Variants in AIMP2 observed in about 807,000 individuals in gnomAD.
AIMP2 encodes aminoacyl tRNA synthase complex-interacting multifunctional protein 2.
Under a neutral mutation model 23.4 loss-of-function variants are expected in AIMP2, and 20 were observed. The observed-to-expected ratio is 0.85, with a 90% CI of 0.60 to 1.24. AIMP2 has a LOEUF of 1.24. AIMP2 is among the 50% of genes most tolerant of loss of function. AIMP2 has a pLI of 0.00. For missense variants in AIMP2, 515 were observed against 414.5 expected (o/e 1.24, Z -2.10); for synonymous variants, 210 against 170.4 (o/e 1.23, Z -1.81).
rs757057598 is a variant in AIMP2 at position 6,018,002 on chromosome 7, C to A, written c.531C>A (p.Pro177=). The A allele has an allele frequency of 8.1e-6, 13 of 1,614,000 alleles. No individual in the cohort carries two copies. The highest frequency in any genetic ancestry group is 5.9e-6 in the Non-Finnish European group (7 of 1,180,018). The change falls in exon 3 of 4, where the codon CCC becomes CCA. Residue 177 remains proline, a synonymous_variant. Transcript: ENST00000223029. ...TTGGAGAACAGAATAAAAAACAGCC[C>A]CGCCAAGACTATCAGCTGGGATTCA... ...KCFGEQNKKQ[P]RQDYQLGFTL... is the part of the protein sequence containing the mutation.
chr7:6,020,063 A>G (rs1017541372), intron 3 of AIMP2, among the ~76,000 whole-genome samples: 3 of 151,702 alleles, frequency 2.0e-5, no homozygotes, highest in Admixed American at 1.3e-4. Context: ...GCGTCACTAT[A>G]GCTGCACCAG....
chr7:6,021,778 C>G (rs1203290491), intron 3 of AIMP2, among the ~76,000 whole-genome samples: 1 of 152,164 alleles, frequency 6.6e-6, no homozygotes, highest in African/African-American at 2.4e-5. Flanking sequence ...CTTTTGACTT[C>G]TTTTACGACC....
At chr7:6,022,410 C>T (rs1249591949) in intron 3 of AIMP2, 1 of 152,152 alleles carries the variant, frequency 6.6e-6, no homozygotes. Context: ...GGATTTTCGA[C>T]TGCACAGCAG....
intron 2 of AIMP2, chr7:6,016,829 C>T (rs557061589): frequency 7.9e-5 from 12 of 152,664 alleles, no homozygotes; most frequent in Non-Finnish European, 1.2e-4. Context: ...TTCATTATTA[C>T]GAGTGAAAGC....
In AIMP2 at chr7:6,020,990, G is replaced by A. The variant is rs79082179; in HGVS notation, c.575-2313G>A. On this transcript the variant is annotated intron_variant, in intron 3 of 3. Coordinates refer to ENST00000223029, the MANE Select transcript of AIMP2 (RefSeq NM_006303.4). ...GGTTGTACAACGTCTGGACAAGAAC[G>A]CTTTTTCTGGATTAATTCCATTGAT... 4.6e-5 allele frequency among the ~76,000 whole-genome samples: 7 copies of A among 152,228 alleles called. No homozygotes were observed. The East Asian group carries it at 5.8e-4, about 13-fold the overall frequency.
rs373340036 is a variant in AIMP2 at position 6,014,012 on chromosome 7, G to A, written c.136-1134G>A. Among the ~76,000 whole-genome samples, 11 of 151,584 alleles carry A rather than the reference G, an allele frequency of 7.3e-5. 1 individual carries two copies. Among genetic ancestry groups the A allele is most frequent in the African/African-American group, 1.5e-4 (6 of 41,354 alleles). The stretch of plus-strand genomic sequence containing the variant: ...GAATTGATTACTTGGCCCCATGGAC[G>A]TGCTTCCAAGCTAAAATAAAGTGTT... On this transcript the variant is annotated intron_variant, in intron 1 of 3. Transcript: ENST00000223029.
intron 3 of AIMP2, among the ~76,000 whole-genome samples, chr7:6,020,039 G>A (rs1342698264): frequency 6.9e-6 from 1 of 144,146 alleles, no homozygotes; most frequent in Non-Finnish European, 1.5e-5. Flanking sequence ...AAAAAAAAAG[G>A]GAAATTCATG....
chr7:6,018,304 G>A (rs1787159828), intron 3 of AIMP2, among the ~76,000 whole-genome samples: 1 of 150,926 alleles, frequency 6.6e-6, no homozygotes, highest in Admixed American at 6.6e-5. Context: ...GCACCACCAG[G>A]CCCAGCTAAT....
At position 6,017,720 on chromosome 7, in the gene AIMP2, G is replaced by A. The variant is rs898194699; in HGVS notation, c.343-94G>A. On this transcript the variant is annotated intron_variant, in intron 2 of 3. Transcript: ENST00000223029. ...CGTCTTCATGGAAGTGGCGGAGTCG[G>A]TTAGATAACCCTGGTTAGGTTCTTA... The A allele has an allele frequency of 3.6e-6, 4 of 1,124,732 alleles. No homozygotes were observed. The African/African-American group carries it at 6.3e-5, about 18-fold the overall frequency. 69.7% of individuals were successfully genotyped at this position (1,124,732 alleles called of 1,614,324 possible).
rs145256692 is a variant in AIMP2 at position 6,017,846 on chromosome 7, C to T, written c.375C>T (p.Asn125=). The T allele has an allele frequency of 2.7e-4, 434 of 1,614,024 alleles. 3 individuals carry two copies. Among genetic ancestry groups the T allele is most frequent in the South Asian group, 1.7e-3 (156 of 91,072 alleles). ...DYGALKDIVI[N]ANPASPPLSL... ...GGGCGCTGAAAGACATCGTGATCAA[C>T]GCAAACCCGGCCTCCCCTCCCCTCT... Residue 125 remains asparagine, a synonymous_variant, in exon 3 of 4, where the codon AAC becomes AAT. Transcript: ENST00000223029.
intron 1 of AIMP2, among the ~76,000 whole-genome samples, chr7:6,014,353 G>C (rs886192388): frequency 3.3e-5 from 5 of 149,490 alleles, no homozygotes; most frequent in Non-Finnish European, 7.4e-5. Context: ...CGCCTCCCGG[G>C]TTCAAGCGAT....
At chr7:6,018,491 G>A (rs1019899532) in intron 3 of AIMP2, among the ~76,000 whole-genome samples, 1 of 150,990 alleles carries the variant, frequency 6.6e-6, no homozygotes, top group African/African-American at 2.4e-5. Context: ...AAATTTTTTG[G>A]AGATTTGCAG....
rs2128877989 is a variant in AIMP2, at chr7:6,015,146, G to A, written c.136G>A (p.Glu46Lys). The change falls in exon 2 of 4, where the codon GAA becomes AAA. Residue 46 changes from glutamate (E) to lysine (K), a missense_variant and splice_region_variant. Physicochemically the swap from Glu to Lys is moderately conservative, Grantham distance 56. Transcript: ENST00000223029. ...GPAPGAGHVQ[E>K]ESNLSLQALE... Reference sequence around the variant, plus strand: ...AACATTTGGCTGTTGGTTTGTTTAGGAAGAGTCTAACCTGTCTCTGCAAGC... The same window carrying A: ...AACATTTGGCTGTTGGTTTGTTTAGAAAGAGTCTAACCTGTCTCTGCAAGC... 1.2e-6 allele frequency: 2 copies of A among 1,614,080 alleles called. No homozygotes were observed.
chr7:6,009,522 C>A, intron 1 of AIMP2, 24 bp downstream of exon 1: 1 of 1,450,586 alleles, frequency 6.9e-7, no homozygotes, highest in Admixed American at 3.0e-5. Context: ...GCCCCCCGCC[C>A]AGTGCGCACG....
intron 3 of AIMP2, among the ~76,000 whole-genome samples, chr7:6,021,354 AAAAAAGAGAACCCTGATTAG>A (rs1787401445): frequency 6.6e-6 from 1 of 151,716 alleles, no homozygotes; most frequent in Non-Finnish European, 1.5e-5. Flanking sequence ...AAAAAAAAAA[AAAAAAGAGAACCCTGATTAG>A]AACATCTTGA....
intron 3 of AIMP2, chr7:6,022,653 A>G (rs1373081961): frequency 6.6e-6 from 1 of 152,138 alleles, no homozygotes; most frequent in Non-Finnish European, 1.5e-5. Context: ...TCGTCTGCAA[A>G]ATTTAGGGTC....
chr7:6,020,173 C>T (rs552399626), intron 3 of AIMP2, among the ~76,000 whole-genome samples: 57 of 152,164 alleles, frequency 3.7e-4, no homozygotes, highest in African/African-American at 1.3e-3. Flanking sequence ...GTAATCCCAG[C>T]ACTTTGGGAG....
rs545201082 is a variant in AIMP2 at position 6,017,939 on chromosome 7, C to G, written c.468C>G (p.Ser156=). 85 of 1,614,028 alleles carry G rather than the reference C, an allele frequency of 5.3e-5. No individual in the cohort carries two copies. The East Asian group carries it at 1.6e-3, about 30-fold the overall frequency. ...TCCTGTCCACGGTGCACACGCACTCCTCGGTCAAGAGCGTGCCTGAAAACC... is the reference window on the plus strand; with the variant it reads ...TCCTGTCCACGGTGCACACGCACTCGTCGGTCAAGAGCGTGCCTGAAAACC... ...FRVLSTVHTH[S]SVKSVPENLL... is the part of the protein sequence containing the mutation. The change falls in exon 3 of 4, where the codon TCC becomes TCG. Residue 156 remains serine (S), a synonymous_variant. Coordinates refer to ENST00000223029, the MANE Select transcript of AIMP2 (RefSeq NM_006303.4).
chr7:6,009,719 G>A (rs966275814), intron 1 of AIMP2, among the ~76,000 whole-genome samples: 15 of 151,844 alleles, frequency 9.9e-5, no homozygotes, highest in African/African-American at 3.6e-4. Context: ...GGGAGGCCGA[G>A]GCGGGCGGAT....
Sources: gnomAD v4.1 joint callset for allele counts (sites outside exome capture counted in the v4.1 genomes callset) on GRCh38, gnomAD v4.1.1 for gene constraint, MANE v1.5 for transcripts, NCBI Gene and HGNC (gene_info 2026-07-23, HGNC 2026-07-21) for gene names.